The following SRBD1 variants were observed in gnomAD, a reference collection of about 807,000 sequenced individuals.
SRBD1 encodes S1 RNA-binding domain-containing protein 1.
Under a neutral mutation model 115.3 loss-of-function variants are expected in SRBD1, and 88 were observed. That is an observed-to-expected ratio of 0.76 (90% confidence interval 0.64 to 0.91). The LOEUF is 0.91. Among genes scored for constraint, SRBD1 ranks in the 40% least tolerant of loss-of-function variants. The pLI, the probability that SRBD1 is intolerant of heterozygous loss-of-function variation, is 0.00. For synonymous variants in SRBD1, 509 were observed against 407.7 expected, an observed-to-expected ratio of 1.25 and a Z score of -2.99; for missense variants, 1,385 against 1,177.4, an observed-to-expected ratio of 1.18 and a Z score of -2.58.
chr2:45,547,063 C>T (rs1214460225), intron 13 of SRBD1, among the ~76,000 whole-genome samples: 8 of 152,176 alleles, frequency 5.3e-5, no homozygotes, highest in Admixed American at 2.0e-4. Flanking sequence ...TTTACTGTCA[C>T]ACTATCTCAA....
intron 10 of SRBD1, among the ~76,000 whole-genome samples, chr2:45,555,521 T>C (rs1672446839): frequency 7.2e-6 from 1 of 137,962 alleles, no homozygotes; most frequent in East Asian, 2.2e-4. Flanking sequence ...GACGGAGTCC[T>C]GCTCTGTCGC....
chr2:45,543,086 C>T (rs1476887823), intron 14 of SRBD1, among the ~76,000 whole-genome samples: 3 of 152,132 alleles, frequency 2.0e-5, no homozygotes, highest in Non-Finnish European at 4.4e-5. Context: ...AAACAAATGA[C>T]CCATAAAACT....
chr2:45,474,312 C>T (rs1669739671), intron 16 of SRBD1, among the ~76,000 whole-genome samples: 1 of 152,182 alleles, frequency 6.6e-6, no homozygotes, highest in Admixed American at 6.5e-5. Context: ...GTAGTGAGAT[C>T]GTTTCAGAGT....
chr2:45,421,674 G>A (rs1260452821), intron 16 of SRBD1, among the ~76,000 whole-genome samples: 1 of 151,890 alleles, frequency 6.6e-6, no homozygotes, highest in Non-Finnish European at 1.5e-5. Flanking sequence ...TGATCTGTGG[G>A]ACAGGAGACT....
rs1347416207 is a variant in SRBD1 at position 45,389,381 on chromosome 2, C to G, written c.2917G>C (p.Val973Leu). The G allele has an allele frequency of 6.2e-7, 1 of 1,613,974 alleles. No individual in the cohort carries two copies. Among genetic ancestry groups the G allele is most frequent in the Non-Finnish European group, 8.5e-7 (1 of 1,179,976 alleles). ...TCAATGTTGAGTACTTGGACTTCCA[C>G]TCTTTCTCCGGGGCCCAGTCCAAGG... ...RSLGLGPGER[V>L]EVQVLNIDIP... Residue 973 changes from valine to leucine, a missense_variant, in exon 21 of 21, where the codon GTG (valine) becomes CTG (leucine). Transcript: ENST00000263736.
intron 6 of SRBD1, among the ~76,000 whole-genome samples, chr2:45,581,276 C>T (rs1673354451): frequency 6.6e-6 from 1 of 152,164 alleles, no homozygotes; most frequent in South Asian, 2.1e-4. Flanking sequence ...CCTCCATCCA[C>T]ACTTCAAAAG....
chr2:45,568,569 C>G (rs1333480909), intron 9 of SRBD1, among the ~76,000 whole-genome samples: 1 of 152,162 alleles, frequency 6.6e-6, no homozygotes, highest in Non-Finnish European at 1.5e-5. Flanking sequence ...TTTCCCAGGC[C>G]TGAATACTGT....
chr2:45,526,852 T>C (rs74748319), intron 14 of SRBD1, among the ~76,000 whole-genome samples: 2,547 of 151,674 alleles, frequency 0.017, 69 homozygotes, highest in African/African-American at 0.058. Context: ...ACATGCAAAA[T>C]AGCAATGGAA....
intron 16 of SRBD1, among the ~76,000 whole-genome samples, chr2:45,466,054 G>A (rs552304774): frequency 6.6e-6 from 1 of 152,304 alleles, no homozygotes; most frequent in East Asian, 1.9e-4. Flanking sequence ...GATACAAGAA[G>A]TGGAAACAGC....
chr2:45,577,009 A>ATATTTTATT (rs1247519173), intron 7 of SRBD1, among the ~76,000 whole-genome samples: 62 of 152,324 alleles, frequency 4.1e-4, no homozygotes, highest in African/African-American at 1.5e-3. Context: ...AAATCATACC[A>ATATTTTATT]GGTACTTGTT....
chr2:45,595,477 A>C lies in SRBD1; in HGVS notation c.648+3972T>G, dbSNP rs187254132. ...TTTGGACATACATTTTGTGGCAGAT[A>C]ATATGCATGTTACAGGTATTTTGTT... On this transcript the variant is annotated intron_variant, in intron 4 of 20. Coordinates refer to ENST00000263736, the MANE Select transcript of SRBD1 (RefSeq NM_018079.5). Among the ~76,000 whole-genome samples the C allele has an allele frequency of 5.3e-4, 80 of 152,350 alleles. 1 individual carries two copies. The highest frequency in any genetic ancestry group is 6.8e-3 in the Middle Eastern group (2 of 294).
chr2:45,608,400 A>C (rs6760302), intron 1 of SRBD1, among the ~76,000 whole-genome samples: 2,547 of 152,282 alleles, frequency 0.017, 66 homozygotes, highest in African/African-American at 0.059. Context: ...AAGACTTGGA[A>C]ATTATGTCTT....
intron 8 of SRBD1, 93 bp from the exon 9 acceptor site, chr2:45,573,435 A>G: frequency 6.9e-7 from 1 of 1,442,900 alleles, no homozygotes; most frequent in Non-Finnish European, 9.1e-7. Context: ...AAAAAAGTTA[A>G]GCCATTACCA....
intron 16 of SRBD1, among the ~76,000 whole-genome samples, chr2:45,471,039 C>T (rs1486750391): frequency 3.3e-5 from 5 of 152,180 alleles, no homozygotes; most frequent in Non-Finnish European, 7.3e-5. Context: ...TCCATCTACT[C>T]ATATCTTAAA....
rs774566466 is a variant in SRBD1 at position 45,566,537 on chromosome 2, A to C, written c.1306-3781T>G. 6.6e-5 allele frequency among the ~76,000 whole-genome samples: 10 copies of C among 152,312 alleles called. No individual in the cohort carries two copies. In the East Asian group the frequency reaches 1.2e-3, roughly 18 times the overall value. On this transcript the variant is annotated intron_variant, in intron 9 of 20. Coordinates refer to ENST00000263736, the MANE Select transcript of SRBD1 (RefSeq NM_018079.5). ...TAGAGATAGAAAGTTGGCTGCCTAGAGCTTGATGCAAGGAAATATTTGGGA... is the reference window on the plus strand; with the variant it reads ...TAGAGATAGAAAGTTGGCTGCCTAGCGCTTGATGCAAGGAAATATTTGGGA...
At chr2:45,439,862 T>G (rs1271323718) in intron 16 of SRBD1, among the ~76,000 whole-genome samples, 4 of 152,096 alleles carry the variant, frequency 2.6e-5, no homozygotes, top group African/African-American at 7.2e-5. Context: ...ATAATCAGTT[T>G]AGAAGACAAC....
intron 20 of SRBD1, among the ~76,000 whole-genome samples, chr2:45,391,206 C>G (rs1398455587): frequency 2.6e-5 from 4 of 152,166 alleles, no homozygotes; most frequent in Non-Finnish European, 5.9e-5. Context: ...GTTGGGGACA[C>G]TGAGAAATCA....
Position 45,580,385 on chromosome 2 carries a change from G to A in SRBD1, c.934-372C>T, listed in dbSNP as rs549499589. Among the ~76,000 whole-genome samples, 20 of 151,434 alleles carry A rather than the reference G, an allele frequency of 1.3e-4. No homozygotes were observed. The South Asian group carries it at 4.2e-3, about 31-fold the overall frequency. On this transcript the variant is annotated intron_variant, in intron 6 of 20. Coordinates refer to ENST00000263736, the MANE Select transcript of SRBD1 (RefSeq NM_018079.5). Reference sequence around the variant, plus strand: ...TTTTGAGATGGACTCTCGCTCTTTCGCCCAGGCCTGAGTGCAGTGGCGCGA... The same window carrying A: ...TTTTGAGATGGACTCTCGCTCTTTCACCCAGGCCTGAGTGCAGTGGCGCGA...
chr2:45,578,871 T>C (rs1386283481), intron 7 of SRBD1, among the ~76,000 whole-genome samples: 1 of 152,234 alleles, frequency 6.6e-6, no homozygotes, highest in Non-Finnish European at 1.5e-5. Context: ...AAGGTAACTA[T>C]GTGAGATGAT....
Sources: gnomAD v4.1 joint callset for allele counts (sites outside exome capture counted in the v4.1 genomes callset) on GRCh38, gnomAD v4.1.1 for gene constraint, MANE v1.5 for transcripts, NCBI Gene and HGNC (gene_info 2026-07-23, HGNC 2026-07-21) for gene names.